LY9: variants seen among roughly 807,000 people sequenced by gnomAD.
LY9 encodes the protein T-lymphocyte surface antigen Ly-9.
In LY9, 59 loss-of-function variants were observed where a neutral mutation model predicts 64.6. The ratio of observed to expected loss-of-function variants is 0.91; its 90% CI spans 0.74 to 1.13. The LOEUF is 1.13. Ranked by LOEUF, LY9 falls within the 50% of genes most tolerant of loss-of-function variation. The pLI is 0.00. For synonymous variants in LY9, 281 were observed against 308.5 expected, an observed-to-expected ratio of 0.91 and a Z score of 0.93; for missense variants, 789 against 797.2, an observed-to-expected ratio of 0.99 and a Z score of 0.12.
chr1:160,804,724 T>C (rs890614191), intron 2 of LY9, among the ~76,000 whole-genome samples: 1 of 152,240 alleles, frequency 6.6e-6, no homozygotes, highest in South Asian at 2.1e-4. Context: ...CTCGGGCTTT[T>C]CTCTGTTGGG....
At chr1:160,802,506 C>T (rs746635906) in intron 2 of LY9, 176 of 985,500 alleles carry the variant, frequency 1.8e-4, no homozygotes, top group Non-Finnish European at 2.1e-4. Context: ...CTGCGGGCCG[C>T]GCCAGGCACC....
At chr1:160,824,755 G>A in intron 9 of LY9, 1 of 528,854 alleles carries the variant, frequency 1.9e-6, no homozygotes, top group Non-Finnish European at 2.4e-6. Flanking sequence ...CAAGGCGGGT[G>A]GATCACAAGG....
At chr1:160,824,702 G>A (rs763320538) in intron 9 of LY9, 13 of 974,730 alleles carry the variant, frequency 1.3e-5, no homozygotes, top group Non-Finnish European at 1.5e-5. Flanking sequence ...AATCCCAGCC[G>A]GGCGCGGTGG....
chr1:160,816,477 G>T (rs1264310057), intron 4 of LY9, 117 bp from the exon 5 acceptor site: 8 of 1,188,418 alleles, frequency 6.7e-6, no homozygotes, highest in Non-Finnish European at 9.3e-6. Context: ...GCTCCTGGAG[G>T]CACTTTGCCG....
intron 2 of LY9, among the ~76,000 whole-genome samples, chr1:160,803,425 G>A (rs1469015529): frequency 6.6e-6 from 1 of 152,070 alleles, no homozygotes; most frequent in Non-Finnish European, 1.5e-5. Flanking sequence ...TGGTCCATGA[G>A]CATGGGATAT....
chr1:160,820,728 C>T (rs111509709), intron 7 of LY9, among the ~76,000 whole-genome samples: 247 of 152,308 alleles, frequency 1.6e-3, no homozygotes, highest in African/African-American at 5.5e-3. Flanking sequence ...TCCCCCAGAA[C>T]CCTTCTTGAA....
rs866597548 is a variant in LY9, at chr1:160,813,766, A to C, written c.585A>C (p.Glu195Asp). 1 of 1,614,040 alleles carries C rather than the reference A, an allele frequency of 6.2e-7. No homozygotes were observed. Among genetic ancestry groups the C allele is most frequent in the Non-Finnish European group, 8.5e-7 (1 of 1,179,996 alleles). Residue 195 changes from glutamate (E) to aspartate (D), a missense_variant, in exon 3 of 10, where the codon GAA becomes GAC. Glu to Asp is a conservative substitution (Grantham distance 45, BLOSUM62 2). Coordinates refer to ENST00000263285, the MANE Select transcript of LY9 (RefSeq NM_002348.4). ...KSVLYSWTPR[E>D]PHASESNGGS... Reference sequence around the variant, plus strand: ...TTCTGTACAGCTGGACCCCAAGGGAACCCCATGCTTCTGAGTCCAATGGAG... The same window carrying C: ...TTCTGTACAGCTGGACCCCAAGGGACCCCCATGCTTCTGAGTCCAATGGAG...
chr1:160,821,053 T>A (rs1220792692), intron 7 of LY9, among the ~76,000 whole-genome samples: 1 of 146,260 alleles, frequency 6.8e-6, no homozygotes, highest in Non-Finnish European at 1.5e-5. Flanking sequence ...CTCTGGAGGC[T>A]GAGGCAGGAG....
At chr1:160,821,175 T>C (rs927380703) in intron 7 of LY9, among the ~76,000 whole-genome samples, 3 of 77,736 alleles carry the variant, frequency 3.9e-5, no homozygotes, top group African/African-American at 5.6e-5. Flanking sequence ...AAAAACCATA[T>C]ATTCACATGG....
In LY9 at chr1:160,816,698, A is replaced by G. The variant is rs780039065; in HGVS notation, c.1177A>G (p.Met393Val). 2 of 1,614,230 alleles carry G rather than the reference A, an allele frequency of 1.2e-6. No homozygotes were observed. Among genetic ancestry groups the G allele is most frequent in the South Asian group, 1.1e-5 (1 of 91,088 alleles). ...CSVEDGGNTV[M>V]YTWTPLQKEA... The stretch of plus-strand genomic sequence containing the variant: ...CGTGGAGGACGGGGGAAACACTGTC[A>G]TGTACACATGGACCCCGCTGCAGAA... The change falls in exon 5 of 10, where the codon ATG (methionine) becomes GTG (valine). Residue 393 changes from methionine to valine, a missense_variant. By Grantham distance (21) the Met-to-Val change is conservative. Transcript: ENST00000263285.
Position 160,816,697 on chromosome 1 carries a change from C to T in LY9, c.1176C>T (p.Val392=). 6.2e-7 allele frequency: 1 copy of T among 1,614,224 alleles called. No homozygotes were observed. Among genetic ancestry groups the T allele is most frequent in the Middle Eastern group, 1.6e-4 (1 of 6,062 alleles). The change falls in exon 5 of 10, where the codon GTC becomes GTT. Residue 392 remains valine, a synonymous_variant. Transcript: ENST00000263285. The part of the protein sequence containing the change: ...TCSVEDGGNT[V]MYTWTPLQKE... ...CCGTGGAGGACGGGGGAAACACTGTCATGTACACATGGACCCCGCTGCAGA... is the reference window on the plus strand; with the variant it reads ...CCGTGGAGGACGGGGGAAACACTGTTATGTACACATGGACCCCGCTGCAGA...
intron 7 of LY9, among the ~76,000 whole-genome samples, chr1:160,822,601 G>A (rs1405659682): frequency 3.9e-5 from 6 of 152,116 alleles, no homozygotes; most frequent in African/African-American, 1.2e-4. Context: ...AAAAAGAAAA[G>A]CCTGACCAAG....
Position 160,796,331 on chromosome 1 carries a change from A to C in LY9, c.124+20A>C. 6.2e-7 allele frequency: 1 copy of C among 1,608,468 alleles called. No individual in the cohort carries two copies. The highest frequency in any genetic ancestry group is 8.5e-7 in the Non-Finnish European group (1 of 1,177,756). On this transcript the variant is annotated intron_variant, in intron 1 of 9. Transcript: ENST00000263285. ...TCATGGGTAAGTCCACTTTATGGCCACCACTTCTTGCTACTGCGGTTCTTC... is the reference window on the plus strand; with the variant it reads ...TCATGGGTAAGTCCACTTTATGGCCCCCACTTCTTGCTACTGCGGTTCTTC...
chr1:160,814,465 G>T lies in LY9; in HGVS notation c.776G>T (p.Gly259Val). The change falls in exon 4 of 10, where the codon GGG becomes GTG. Residue 259 changes from glycine to valine, a missense_variant. Transcript: ENST00000263285. Reference protein sequence around the residue: ...RGGTTGETVVGVLGEPVTLPL... With the variant: ...RGGTTGETVVVVLGEPVTLPL... ...GGAACAACGGGGGAGACTGTGGTAG[G>T]GGTCCTGGGAGAGCCAGTCACCCTG... The T allele has an allele frequency of 6.2e-7, 1 of 1,613,944 alleles. No individual in the cohort carries two copies. Among genetic ancestry groups the T allele is most frequent in the South Asian group, 1.1e-5 (1 of 91,044 alleles).
intron 8 of LY9, 74 bp downstream of exon 8, chr1:160,823,870 T>C: frequency 1.6e-6 from 2 of 1,229,546 alleles, no homozygotes; most frequent in Non-Finnish European, 2.3e-6. Context: ...GATGACTAGT[T>C]CCTCCAAACT....
chr1:160,814,351 T>C (rs180827389), intron 3 of LY9, 69 bp from the exon 4 acceptor site: 2 of 1,251,746 alleles, frequency 1.6e-6, no homozygotes, highest in Non-Finnish European at 1.1e-6. Context: ...TCAGTCCCCT[T>C]TAGGATGCCT....
intron 2 of LY9, chr1:160,812,279 C>G (rs1667535219): frequency 6.6e-6 from 1 of 152,216 alleles, no homozygotes; most frequent in Non-Finnish European, 1.5e-5. Flanking sequence ...CTAGGGCCCA[C>G]CCTAATGGCC....
intron 7 of LY9, among the ~76,000 whole-genome samples, chr1:160,820,168 A>T (rs1242242483): frequency 6.6e-6 from 1 of 152,210 alleles, no homozygotes; most frequent in East Asian, 1.9e-4. Flanking sequence ...GGAACAGTAC[A>T]TCTGTGGTAG....
intron 7 of LY9, among the ~76,000 whole-genome samples, chr1:160,821,322 A>G (rs1263404021): frequency 6.6e-6 from 1 of 152,158 alleles, no homozygotes; most frequent in East Asian, 1.9e-4. Flanking sequence ...GGTTTCATAC[A>G]TATTTGTGTG....
Sources: gnomAD v4.1 joint callset for allele counts (sites outside exome capture counted in the v4.1 genomes callset) on GRCh38, gnomAD v4.1.1 for gene constraint, MANE v1.5 for transcripts, NCBI Gene and HGNC (gene_info 2026-07-23, HGNC 2026-07-21) for gene names.